The following RAPGEF1 variants were observed in gnomAD, a reference collection of about 807,000 sequenced individuals.
The protein encoded by RAPGEF1 is Rap guanine nucleotide exchange factor 1, also known as CRK SH3-binding GNRP.
Under a neutral mutation model 143.3 loss-of-function variants are expected in RAPGEF1, and 33 were observed. That is an observed-to-expected ratio of 0.23 (90% CI 0.17 to 0.31). The LOEUF is 0.31. Among genes scored for constraint, RAPGEF1 ranks in the 10% least tolerant of loss-of-function variants. RAPGEF1 has a pLI of 1.00. For missense variants in RAPGEF1, 1,199 were observed against 1,645.4 expected (o/e 0.73, Z 4.69); for synonymous variants, 629 against 676.5 (o/e 0.93, Z 1.09).
chr9:131,581,001 C>T lies in RAPGEF1; in HGVS notation c.3513-610G>A, dbSNP rs945395662. Among the ~76,000 whole-genome samples, 7 of 151,410 alleles carry T rather than the reference C, an allele frequency of 4.6e-5. No homozygotes were observed. In the East Asian group the frequency reaches 7.8e-4, roughly 17 times the overall value. Reference sequence around the variant, plus strand: ...CTCTACTAAAAATACAAAAAGTAGCCGGGCATGGTGGTGCACACCTGTCAT... The same window carrying T: ...CTCTACTAAAAATACAAAAAGTAGCTGGGCATGGTGGTGCACACCTGTCAT... On this transcript the variant is annotated intron_variant, in intron 25 of 26. Coordinates refer to ENST00000683357, the MANE Select transcript of RAPGEF1 (RefSeq NM_001377935.1).
At chr9:131,586,643 G>A (rs181146097) in intron 22 of RAPGEF1, among the ~76,000 whole-genome samples, 1,425 of 83,356 alleles carry the variant, frequency 0.017, 145 homozygotes, top group East Asian at 0.083. Flanking sequence ...CAGAGACTCC[G>A]TCTCAAACAC....
intron 10 of RAPGEF1, among the ~76,000 whole-genome samples, chr9:131,623,795 T>C (rs925660208): frequency 1.3e-5 from 2 of 152,214 alleles, no homozygotes; most frequent in Non-Finnish European, 2.9e-5. Flanking sequence ...ACGATGTCAG[T>C]GCATCCCAAA....
rs1455699098 is a variant in RAPGEF1 at position 131,630,329 on chromosome 9, C to T, written c.652-5G>A. 1.2e-6 allele frequency: 2 copies of T among 1,613,076 alleles called. No individual in the cohort carries two copies. The highest frequency in any genetic ancestry group is 1.7e-5 in the Admixed American group (1 of 59,994). ...GATGGTGAGCCTGACCAGCTCCTAC[C>T]CCCACAAGAAAAAGGCAATGAGCAA... is the stretch of plus-strand genomic sequence containing the variant. On this transcript the variant is annotated splice_polypyrimidine_tract_variant and splice_region_variant and intron_variant, in intron 5 of 26. Transcript: ENST00000683357.
intron 11 of RAPGEF1, among the ~76,000 whole-genome samples, chr9:131,619,912 A>G (rs1017336380): frequency 6.6e-6 from 1 of 152,002 alleles, no homozygotes; most frequent in Non-Finnish European, 1.5e-5. Flanking sequence ...TGTCATTAGG[A>G]TTGGGTGTGG....
At chr9:131,719,247 T>C (rs1468633194) in intron 1 of RAPGEF1, among the ~76,000 whole-genome samples, 2 of 152,194 alleles carry the variant, frequency 1.3e-5, no homozygotes, top group African/African-American at 4.8e-5. Context: ...ACATTCAGAG[T>C]GAGATTCACC....
At chr9:131,586,308 A>AC in intron 22 of RAPGEF1, among the ~76,000 whole-genome samples, 4 of 136,252 alleles carry the variant, frequency 2.9e-5, no homozygotes, top group South Asian at 2.3e-4. Context: ...ACTCCGTCTC[A>AC]AACACACACA....
intron 1 of RAPGEF1, among the ~76,000 whole-genome samples, chr9:131,656,916 G>C (rs945189591): frequency 6.6e-6 from 1 of 152,226 alleles, no homozygotes; most frequent in Non-Finnish European, 1.5e-5. Flanking sequence ...TCCCTCCTCA[G>C]GGTATCCACC....
chr9:131,719,489 A>G (rs534522272), intron 1 of RAPGEF1, among the ~76,000 whole-genome samples: 1 of 150,314 alleles, frequency 6.7e-6, no homozygotes, highest in South Asian at 2.1e-4. Context: ...TTGTTTCAAT[A>G]CTGGGCAGCG....
At chr9:131,669,163 A>T (rs1003672446) in intron 1 of RAPGEF1, among the ~76,000 whole-genome samples, 1 of 152,222 alleles carries the variant, frequency 6.6e-6, no homozygotes, top group Non-Finnish European at 1.5e-5. Flanking sequence ...CTGCTGCGCT[A>T]GCCCTGCTCA....
chr9:131,719,911 AG>A (rs1181122179), intron 1 of RAPGEF1, among the ~76,000 whole-genome samples: 12 of 145,720 alleles, frequency 8.2e-5, no homozygotes, highest in African/African-American at 2.8e-4. Flanking sequence ...TTGAGACAAG[AG>A]TCTCACTCTG....
intron 1 of RAPGEF1, among the ~76,000 whole-genome samples, chr9:131,706,497 T>C (rs1408931822): frequency 1.3e-5 from 2 of 151,542 alleles, no homozygotes; most frequent in South Asian, 2.1e-4. Context: ...TTCGAACTCC[T>C]GAACTCAAGT....
intron 1 of RAPGEF1, among the ~76,000 whole-genome samples, chr9:131,736,580 A>G (rs1475574416): frequency 6.6e-6 from 1 of 152,234 alleles, no homozygotes; most frequent in Admixed American, 6.5e-5. Flanking sequence ...CAATGACTCA[A>G]AAGATCTCCC....
intron 1 of RAPGEF1, among the ~76,000 whole-genome samples, chr9:131,653,307 GCATT>G (rs1971583005): frequency 6.6e-6 from 1 of 152,154 alleles, no homozygotes; most frequent in Non-Finnish European, 1.5e-5. Flanking sequence ...TTTAAAATCT[GCATT>G]ATTACACTGT....
At chr9:131,677,857 A>C (rs1424602218) in intron 1 of RAPGEF1, among the ~76,000 whole-genome samples, 1 of 152,206 alleles carries the variant, frequency 6.6e-6, no homozygotes, top group Non-Finnish European at 1.5e-5. Context: ...GTCTGCATCA[A>C]TCCCACAAAG....
intron 5 of RAPGEF1, among the ~76,000 whole-genome samples, chr9:131,632,824 C>G (rs1198154076): frequency 6.6e-6 from 1 of 152,174 alleles, no homozygotes; most frequent in Non-Finnish European, 1.5e-5. Context: ...ACCCTTTTAT[C>G]TTGTTCTTTT....
rs1231388847 is a variant in RAPGEF1, at chr9:131,630,297, G to C, written c.679C>G (p.Gln227Glu). ...KELVRLTIEK[Q>E]GRPSPTSPVK... The stretch of plus-strand genomic sequence containing the variant: ...GGGCTCGTCGGAGACGGACGTCCCT[G>C]CTTCTCGATGGTGAGCCTGACCAGC... Residue 227 changes from glutamine to glutamate, a missense_variant, in exon 6 of 27, where the codon CAG becomes GAG. Physicochemically the swap from Gln to Glu is conservative, Grantham distance 29 (BLOSUM62 2). Coordinates refer to ENST00000683357, the MANE Select transcript of RAPGEF1 (RefSeq NM_001377935.1). The C allele has an allele frequency of 1.9e-6, 3 of 1,613,724 alleles. No individual in the cohort carries two copies. Among genetic ancestry groups the C allele is most frequent in the Non-Finnish European group, 2.5e-6 (3 of 1,179,858 alleles).
chr9:131,709,948 T>C (rs1408604551), intron 1 of RAPGEF1: 2 of 985,294 alleles, frequency 2.0e-6, no homozygotes, highest in African/African-American at 3.5e-5. Flanking sequence ...AGGCATGGTC[T>C]ATATTAAGAA....
intron 1 of RAPGEF1, among the ~76,000 whole-genome samples, chr9:131,671,950 C>T (rs925735599): frequency 3.3e-5 from 5 of 152,308 alleles, no homozygotes; most frequent in African/African-American, 9.6e-5. Context: ...TATCGTTTCA[C>T]GAAACTTAAT....
At chr9:131,677,794 G>A (rs1026819039) in intron 1 of RAPGEF1, among the ~76,000 whole-genome samples, 7 of 152,332 alleles carry the variant, frequency 4.6e-5, no homozygotes, top group African/African-American at 1.7e-4. Context: ...AACAGGCTCA[G>A]AAGACAAACA....
Sources: gnomAD v4.1 joint callset for allele counts (sites outside exome capture counted in the v4.1 genomes callset) on GRCh38, gnomAD v4.1.1 for gene constraint, MANE v1.5 for transcripts, NCBI Gene and HGNC (gene_info 2026-07-23, HGNC 2026-07-21) for gene names.